CSRNP3: variants seen among roughly 807,000 people sequenced by gnomAD.
CSRNP3 encodes the protein cysteine and serine rich nuclear protein 3, also known as cysteine/serine-rich nuclear protein 3.
A neutral mutation model predicts 48.0 loss-of-function variants in CSRNP3; 12 were observed. That is an observed-to-expected ratio of 0.25 (90% confidence interval 0.16 to 0.41). The LOEUF (loss-of-function observed/expected upper bound fraction) is 0.41. CSRNP3 is among the 10% of genes least tolerant of loss of function. The probability of loss-of-function intolerance (pLI) is 1.00; values close to 1 mark genes in which losing one functional copy is unlikely to be tolerated. For synonymous variants in CSRNP3, 263 were observed against 269.7 expected (o/e 0.98, Z 0.24); for missense variants, 580 against 724.4 (o/e 0.80, Z 2.29).
At chr2:165,530,240 A>G (rs1032110572) in intron 3 of CSRNP3, among the ~76,000 whole-genome samples, 1 of 152,180 alleles carries the variant, frequency 6.6e-6, no homozygotes, top group African/African-American at 2.4e-5. Flanking sequence ...CCCAATTTAT[A>G]TAGTATTTAT....
intron 3 of CSRNP3, among the ~76,000 whole-genome samples, chr2:165,522,719 G>A (rs767972990): frequency 4.6e-5 from 7 of 151,868 alleles, no homozygotes; most frequent in Non-Finnish European, 8.8e-5. Flanking sequence ...TAGACTTTTA[G>A]TGCCTTTAAT....
chr2:165,512,576 T>C (rs1224833129), intron 2 of CSRNP3, among the ~76,000 whole-genome samples: 1 of 152,216 alleles, frequency 6.6e-6, no homozygotes, highest in Non-Finnish European at 1.5e-5. Context: ...CTAAGTACTA[T>C]TATTCTTTTG....
chr2:165,471,868 A>T (rs1683899218), intron 1 of CSRNP3, among the ~76,000 whole-genome samples: 2 of 152,010 alleles, frequency 1.3e-5, no homozygotes, highest in Admixed American at 1.3e-4. Context: ...GAGAGAAAAA[A>T]AAAGCATGAA....
chr2:165,609,337 T>C (rs1463611507), intron 4 of CSRNP3, among the ~76,000 whole-genome samples: 1 of 150,864 alleles, frequency 6.6e-6, no homozygotes. Flanking sequence ...CGGGCGCTTG[T>C]AGTCCCAGCT....
rs1573957173 is a variant in CSRNP3, at chr2:165,666,934, A to AT, written c.408+8914_408+8915insT. On this transcript the variant is annotated intron_variant, in intron 5 of 6. Transcript: ENST00000651982. ...GCGGAAGGAAGGGAGGAAAGAGAGA[A>AT]GAAGAAAGAAAGAGAGAGAGGAAGG... 1.3e-4 allele frequency among the ~76,000 whole-genome samples: 5 copies of AT among 37,082 alleles called. 1 individual carries two copies. The highest frequency in any genetic ancestry group is 2.5e-4 in the Non-Finnish European group (4 of 15,804). The allele number at this position is 37,082 out of a possible 152,430, so 24.3% of individuals were successfully genotyped here. A position where few individuals can be genotyped will look rare whatever the true frequency, so the allele number is the denominator to read the frequency against.
At position 165,514,705 on chromosome 2, in the gene CSRNP3, C is replaced by T. The variant is rs187090756; in HGVS notation, c.-112-3168C>T. On this transcript the variant is annotated intron_variant, in intron 2 of 6. Transcript: ENST00000651982. ...GCATTGAATATGTCATTCTTCCCAA[C>T]TCCTCCTCCTGCTCCTTCTCCTCCT... 3.3e-5 allele frequency among the ~76,000 whole-genome samples: 5 copies of T among 152,292 alleles called. No individual in the cohort carries two copies. The East Asian group carries it at 9.7e-4, about 29-fold the overall frequency.
At chr2:165,479,065 A>G (rs1220157920) in intron 1 of CSRNP3, among the ~76,000 whole-genome samples, 4 of 152,212 alleles carry the variant, frequency 2.6e-5, no homozygotes, top group African/African-American at 4.8e-5. Context: ...ACCTAGCTAT[A>G]AAGAGTGTTC....
chr2:165,678,309 G>C (rs1687462950), intron 6 of CSRNP3, among the ~76,000 whole-genome samples: 1 of 152,056 alleles, frequency 6.6e-6, no homozygotes, highest in Admixed American at 6.6e-5. Flanking sequence ...TCAGGCACAA[G>C]AGCTGGGGTG....
At position 165,682,021 on chromosome 2, in the gene CSRNP3, G is replaced by A. The variant is rs1300316156; in HGVS notation, c.*2268G>A. The A allele has an allele frequency of 6.6e-6, 1 of 151,744 alleles. No individual in the cohort carries two copies. Among genetic ancestry groups the A allele is most frequent in the Non-Finnish European group, 1.5e-5 (1 of 67,954 alleles). 9.4% of individuals were successfully genotyped at this position (151,744 alleles called of 1,614,324 possible). On this transcript the variant is annotated 3_prime_UTR_variant, in exon 7 of 7. Transcript: ENST00000651982. ...TGCTGGACCATTACAAGCTCTTGAA[G>A]GATCTGCTTGTGAAGTACTCTGAGG...
chr2:165,524,626 T>C (rs1053867539), intron 3 of CSRNP3, among the ~76,000 whole-genome samples: 2 of 152,182 alleles, frequency 1.3e-5, no homozygotes, highest in Non-Finnish European at 2.9e-5. Context: ...CCTTCATCCC[T>C]GGCAACTAAT....
intron 5 of CSRNP3, among the ~76,000 whole-genome samples, chr2:165,668,401 C>CTTTTTTTTTTTTTTT (rs71393687): frequency 3.6e-5 from 4 of 111,500 alleles, no homozygotes; most frequent in South Asian, 3.1e-4. Context: ...TTCTTTCTTT[C>CTTTTTTTTTTTTTTT]TTTTTTTTTT....
Position 165,681,756 on chromosome 2 carries a change from TATATAC to T in CSRNP3, c.*2005_*2010del, listed in dbSNP as rs1418068102. 61 of 59,874 alleles carry T rather than the reference TATATAC, an allele frequency of 1.0e-3. No homozygotes were observed. Among genetic ancestry groups the T allele is most frequent in the African/African-American group, 1.9e-3 (40 of 21,080 alleles). The allele number at this position is 59,874 out of a possible 1,614,324, so 3.7% of individuals were successfully genotyped here. ...ATATATATATATATATATATATATA[TATATAC>T]ACACACACACACACATACACATATA... is the stretch of plus-strand genomic sequence containing the variant. On this transcript the variant is annotated 3_prime_UTR_variant, in exon 7 of 7. Coordinates refer to ENST00000651982, the MANE Select transcript of CSRNP3 (RefSeq NM_001172173.2).
chr2:165,519,193 T>G (rs75066907), intron 3 of CSRNP3, among the ~76,000 whole-genome samples: 2,068 of 152,224 alleles, frequency 0.014, 26 homozygotes, highest in Non-Finnish European at 0.024. Context: ...GAAAAGTCTC[T>G]TGACACAACT....
intron 4 of CSRNP3, among the ~76,000 whole-genome samples, chr2:165,652,194 A>G (rs1686922353): frequency 6.6e-6 from 1 of 152,124 alleles, no homozygotes; most frequent in Non-Finnish European, 1.5e-5. Context: ...GGGATAAAAG[A>G]AAAGGAGCTG....
intron 2 of CSRNP3, among the ~76,000 whole-genome samples, chr2:165,511,692 G>GAAGAGGC (rs1414862345): frequency 2.0e-5 from 3 of 152,164 alleles, no homozygotes; most frequent in Non-Finnish European, 4.4e-5. Flanking sequence ...TGGGATGGTT[G>GAAGAGGC]AAGAGGCAAA....
At chr2:165,552,781 G>A (rs1220802764) in intron 3 of CSRNP3, among the ~76,000 whole-genome samples, 3 of 151,546 alleles carry the variant, frequency 2.0e-5, no homozygotes, top group Non-Finnish European at 4.4e-5. Context: ...TGCAACCTTC[G>A]CATCCTGGGT....
At chr2:165,520,792 T>G (rs376780789) in intron 3 of CSRNP3, among the ~76,000 whole-genome samples, 10 of 19,912 alleles carry the variant, frequency 5.0e-4, no homozygotes, top group African/African-American at 2.4e-3. Flanking sequence ...ATTATATATA[T>G]ATATATATAT....
intron 4 of CSRNP3, among the ~76,000 whole-genome samples, chr2:165,625,680 G>A (rs1461652020): frequency 6.6e-6 from 1 of 151,498 alleles, no homozygotes; most frequent in East Asian, 2.0e-4. Flanking sequence ...GCCAGGCATG[G>A]TGACTCACAC....
At chr2:165,499,908 T>C (rs1474614393) in intron 2 of CSRNP3, among the ~76,000 whole-genome samples, 2 of 151,740 alleles carry the variant, frequency 1.3e-5, no homozygotes, top group East Asian at 3.9e-4. Context: ...AATAAGGGAG[T>C]AGTAGTAAAG....
Sources: gnomAD v4.1 joint callset for allele counts (sites outside exome capture counted in the v4.1 genomes callset) on GRCh38, gnomAD v4.1.1 for gene constraint, MANE v1.5 for transcripts, NCBI Gene and HGNC (gene_info 2026-07-23, HGNC 2026-07-21) for gene names.